NCOA2: variants seen among roughly 807,000 people sequenced by gnomAD.
The protein encoded by NCOA2 is nuclear receptor coactivator 2.
NCOA2 carries 21 observed loss-of-function variants against 145.1 expected under a neutral mutation model. The observed-to-expected ratio is 0.14, with a 90% CI of 0.10 to 0.21. The LOEUF (loss-of-function observed/expected upper bound fraction) is 0.21, where lower values mean the gene tolerates loss of function less well. Among genes scored for constraint, NCOA2 ranks in the 10% least tolerant of loss-of-function variants. The pLI is 1.00. For missense variants in NCOA2, 1,472 were observed against 1,837.6 expected, an observed-to-expected ratio of 0.80 and a Z score of 3.64; for synonymous variants, 619 against 637.5, an observed-to-expected ratio of 0.97 and a Z score of 0.44.
chr8:70,380,087 G>C (rs1812057287), intron 1 of NCOA2, among the ~76,000 whole-genome samples: 1 of 152,060 alleles, frequency 6.6e-6, no homozygotes, highest in Non-Finnish European at 1.5e-5. Flanking sequence ...AATAAGACAG[G>C]AAACAAGTGT....
intron 1 of NCOA2, among the ~76,000 whole-genome samples, chr8:70,337,179 G>C (rs991552111): frequency 7.3e-5 from 11 of 150,862 alleles, no homozygotes; most frequent in Non-Finnish European, 1.0e-4. Context: ...ACACAATTTA[G>C]CCTACCCAGC....
At chr8:70,359,679 A>G in intron 1 of NCOA2, among the ~76,000 whole-genome samples, 1 of 152,106 alleles carries the variant, frequency 6.6e-6, no homozygotes, top group East Asian at 1.9e-4. Context: ...CCAAATTCCA[A>G]TGAATTGTTT....
Position 70,157,032 on chromosome 8 carries a change from C to T in NCOA2, c.1333G>A (p.Gly445Arg). The T allele has an allele frequency of 6.2e-7, 1 of 1,614,034 alleles. No individual in the cohort carries two copies. The highest frequency in any genetic ancestry group is 1.1e-5 in the South Asian group (1 of 91,086). Residue 445 changes from glycine to arginine, a missense_variant, in exon 11 of 23, where the codon GGG (glycine) becomes AGG (arginine). Coordinates refer to ENST00000452400, the MANE Select transcript of NCOA2 (RefSeq NM_006540.4). ...ATGCCTGACACATGGTTCATTCCCC[C>T]AGAACCACCAAACCTGCCCATGGGC... ...GMPMGRFGGS[G>R]GMNHVSGMQA...
intron 2 of NCOA2, among the ~76,000 whole-genome samples, chr8:70,277,019 C>A (rs952392608): frequency 3.3e-5 from 5 of 152,304 alleles, no homozygotes; most frequent in East Asian, 1.9e-4. Context: ...AAAACAATTT[C>A]TAAGACCCCA....
At chr8:70,358,116 TTAAA>T (rs750559930) in intron 1 of NCOA2, among the ~76,000 whole-genome samples, 11 of 152,008 alleles carry the variant, frequency 7.2e-5, no homozygotes, top group Non-Finnish European at 1.3e-4. Context: ...AATTAAAGAC[TTAAA>T]TAAATGGGAA....
the NCOA2 span, among the ~76,000 whole-genome samples, chr8:70,443,124 G>A: frequency 6.6e-6 from 1 of 152,164 alleles, no homozygotes; most frequent in Non-Finnish European, 1.5e-5. Context: ...CAGCACTTTG[G>A]GAGGCTGAGG....
chr8:70,400,518 A>T (rs540674840), intron 1 of NCOA2, among the ~76,000 whole-genome samples: 4 of 152,294 alleles, frequency 2.6e-5, no homozygotes, highest in African/African-American at 9.6e-5. Context: ...CAAAAGAGAG[A>T]AGGGCATATG....
intron 1 of NCOA2, among the ~76,000 whole-genome samples, chr8:70,403,007 G>A (rs2131862968): frequency 6.9e-6 from 1 of 145,014 alleles, no homozygotes; most frequent in South Asian, 2.1e-4. Flanking sequence ...GCTGACACGG[G>A]CCCGGGCCAC....
At chr8:70,255,667 G>T (rs1265186367) in intron 2 of NCOA2, among the ~76,000 whole-genome samples, 1 of 152,150 alleles carries the variant, frequency 6.6e-6, no homozygotes, top group Non-Finnish European at 1.5e-5. Flanking sequence ...TCACACAGCA[G>T]ACATTGCCAA....
At chr8:70,292,916 T>C (rs1036983193) in intron 2 of NCOA2, among the ~76,000 whole-genome samples, 12 of 152,360 alleles carry the variant, frequency 7.9e-5, no homozygotes, top group Admixed American at 2.0e-4. Context: ...ATCATTTCAA[T>C]GTGAGCCTAC....
rs370309605 is a variant in NCOA2, at chr8:70,148,399, G to A, written c.2479C>T (p.Pro827Ser). Residue 827 changes from proline (P) to serine (S), a missense_variant, in exon 12 of 23, where the codon CCA becomes TCA. Transcript: ENST00000452400. The stretch of plus-strand genomic sequence containing the variant: ...TCAACTGATCCAGCAGGGGCGCCTG[G>A]CCTCGTGTCTGGGAAAAGCTGTGGT... ...QLPQLFPDTRPGAPAGSVDKQ... is the reference protein window; with the variant it reads ...QLPQLFPDTRSGAPAGSVDKQ... The A allele has an allele frequency of 2.5e-6, 4 of 1,613,816 alleles. No individual in the cohort carries two copies. In the African/African-American group the frequency reaches 5.3e-5, roughly 22 times the overall value.
rs1819325962 is a variant in NCOA2 at position 70,213,963 on chromosome 8, G to A, written c.199C>T (p.Pro67Ser). The A allele has an allele frequency of 6.2e-7, 1 of 1,612,274 alleles. No individual in the cohort carries two copies. Among genetic ancestry groups the A allele is most frequent in the Non-Finnish European group, 8.5e-7 (1 of 1,179,276 alleles). The change falls in exon 4 of 23, where the codon CCT becomes TCT. Residue 67 changes from proline (P) to serine (S), a missense_variant. Pro to Ser is a moderately conservative substitution (Grantham distance 74). This residue lies in a region of NCOA2 where 284 missense variants were observed against 467.8 expected (regional missense o/e 0.61). Coordinates refer to ENST00000452400, the MANE Select transcript of NCOA2 (RefSeq NM_006540.4). Reference sequence around the variant, plus strand: ...TCTTTTAAGATTGCACATTTGTCAGGTTTGAAGTTAAAGTTGTCTATATCA... The same window carrying A: ...TCTTTTAAGATTGCACATTTGTCAGATTTGAAGTTAAAGTTGTCTATATCA... Reference protein sequence around the residue: ...FNDIDNFNFKPDKCAILKETV... With the variant: ...FNDIDNFNFKSDKCAILKETV...
intron 4 of NCOA2, among the ~76,000 whole-genome samples, chr8:70,185,502 C>G (rs899122031): frequency 6.6e-5 from 10 of 152,260 alleles, no homozygotes; most frequent in African/African-American, 2.4e-4. Flanking sequence ...GGACAGCAGA[C>G]TCCAGGGAGC....
At chr8:70,187,653 C>T (rs143276143) in intron 4 of NCOA2, among the ~76,000 whole-genome samples, 7 of 152,228 alleles carry the variant, frequency 4.6e-5, no homozygotes, top group Middle Eastern at 3.4e-3. Context: ...GAACATATCA[C>T]AATTCAGTAT....
At chr8:70,259,234 C>T (rs1280782967) in intron 2 of NCOA2, among the ~76,000 whole-genome samples, 1 of 152,166 alleles carries the variant, frequency 6.6e-6, no homozygotes, top group African/African-American at 2.4e-5. Flanking sequence ...TCCCCTGAAA[C>T]CAATGGACTA....
intron 2 of NCOA2, among the ~76,000 whole-genome samples, chr8:70,271,369 T>G (rs984873741): frequency 6.6e-6 from 1 of 152,226 alleles, no homozygotes. Flanking sequence ...AAGGGTACCC[T>G]GACTGTAAAT....
At chr8:70,393,807 C>T (rs1338799772) in intron 1 of NCOA2, among the ~76,000 whole-genome samples, 4 of 152,304 alleles carry the variant, frequency 2.6e-5, no homozygotes, top group South Asian at 4.1e-4. Context: ...AATAAACGAT[C>T]GTGAGAATGC....
At position 70,112,620 on chromosome 8, in the gene NCOA2, G is replaced by A. The variant is rs1023032302; in HGVS notation, c.*1012C>T. On this transcript the variant is annotated 3_prime_UTR_variant, in exon 23 of 23. Transcript: ENST00000452400. Reference sequence around the variant, plus strand: ...TCGATTGGTATCAAGCCTTAACTTTGCTCTTCTCCTTGCCAGTAAATGCAT... The same window carrying A: ...TCGATTGGTATCAAGCCTTAACTTTACTCTTCTCCTTGCCAGTAAATGCAT... 4.0e-5 allele frequency: 8 copies of A among 201,632 alleles called. No homozygotes were observed. The highest frequency in any genetic ancestry group is 1.6e-4 in the African/African-American group (7 of 43,434). 12.5% of individuals were successfully genotyped at this position (201,632 alleles called of 1,614,324 possible).
intron 1 of NCOA2, among the ~76,000 whole-genome samples, chr8:70,300,101 A>G (rs1827377856): frequency 6.6e-6 from 1 of 152,194 alleles, no homozygotes; most frequent in African/African-American, 2.4e-5. Flanking sequence ...AAGACAGAAA[A>G]CAGGCTGATG....
Sources: allele counts gnomAD v4.1 joint callset (sites outside exome capture counted in the v4.1 genomes callset), GRCh38; gene constraint gnomAD v4.1.1; regional missense constraint gnomAD v4.1.1; transcripts MANE v1.5; gene names NCBI Gene and HGNC (gene_info 2026-07-23, HGNC 2026-07-21).